RUNX1T1: variants seen among roughly 807,000 people sequenced by gnomAD.
RUNX1T1 encodes the protein protein CBFA2T1.
RUNX1T1 carries 4 observed loss-of-function variants against 62.8 expected under a neutral mutation model. That is an observed-to-expected ratio of 0.06 (90% confidence interval 0.03 to 0.15). The LOEUF (loss-of-function observed/expected upper bound fraction) is 0.15, where lower values mean the gene tolerates loss of function less well. Ranked by LOEUF, RUNX1T1 falls within the 10% of genes least tolerant of loss-of-function variation. RUNX1T1 has a pLI of 1.00. For synonymous variants in RUNX1T1, 291 were observed against 286.0 expected (o/e 1.02, Z -0.18); for missense variants, 508 against 754.3 (o/e 0.67, Z 3.82).
chr8:92,053,006 G>C (rs947861705), intron 1 of RUNX1T1, among the ~76,000 whole-genome samples: 2 of 152,112 alleles, frequency 1.3e-5, no homozygotes, highest in Non-Finnish European at 2.9e-5. Context: ...AATTAGCAAA[G>C]ATTATTCTTT....
intron 1 of RUNX1T1, among the ~76,000 whole-genome samples, chr8:92,024,112 T>TC (rs1471236542): frequency 6.6e-6 from 1 of 152,114 alleles, no homozygotes; most frequent in Non-Finnish European, 1.5e-5. Context: ...ACAATTTGGG[T>TC]CTTCCAAACC....
chr8:91,988,023 G>A (rs1463413783), intron 6 of RUNX1T1, among the ~76,000 whole-genome samples: 3 of 151,998 alleles, frequency 2.0e-5, no homozygotes, highest in Admixed American at 6.6e-5. Flanking sequence ...TATAGTTTGG[G>A]TTTCTAGATA....
intron 1 of RUNX1T1, among the ~76,000 whole-genome samples, chr8:92,056,471 T>C (rs947382273): frequency 1.3e-5 from 2 of 152,142 alleles, no homozygotes; most frequent in Non-Finnish European, 2.9e-5. Context: ...ATAATGTTAA[T>C]AAACCACATA....
At chr8:92,035,121 G>A (rs953807996) in intron 1 of RUNX1T1, among the ~76,000 whole-genome samples, 5 of 151,664 alleles carry the variant, frequency 3.3e-5, no homozygotes, top group Non-Finnish European at 7.4e-5. Flanking sequence ...GTGGTGAAAC[G>A]CCGTCTCTAC....
intron 4 of RUNX1T1, among the ~76,000 whole-genome samples, chr8:92,008,852 T>C (rs1023607934): frequency 2.2e-4 from 33 of 152,212 alleles, no homozygotes; most frequent in African/African-American, 7.2e-4. Context: ...AAAGAGACTA[T>C]AGAAATTGGG....
intron 10 of RUNX1T1, 89 bp from the exon 12 acceptor site, chr8:91,960,606 CT>C: frequency 7.2e-7 from 1 of 1,382,518 alleles, no homozygotes; most frequent in Non-Finnish European, 1.0e-6. Context: ...TCACTGTAGC[CT>C]TATTTTCAAG....
At chr8:91,995,612 A>T (rs1039443182) in intron 5 of RUNX1T1, among the ~76,000 whole-genome samples, 2 of 152,098 alleles carry the variant, frequency 1.3e-5, no homozygotes, top group African/African-American at 4.8e-5. Context: ...ACACAGTGAG[A>T]CCCTGTCTCT....
intron 10 of RUNX1T1, among the ~76,000 whole-genome samples, chr8:91,966,922 AAAACAAAC>A (rs531729966): frequency 3.9e-5 from 6 of 152,118 alleles, no homozygotes; most frequent in African/African-American, 1.4e-4. Flanking sequence ...CAATTAGGAA[AAAACAAAC>A]AAACAAACAA....
At chr8:92,022,120 AT>A (rs1282227686) in intron 1 of RUNX1T1, among the ~76,000 whole-genome samples, 3 of 151,498 alleles carry the variant, frequency 2.0e-5, no homozygotes, top group East Asian at 3.9e-4. Flanking sequence ...TGATGGCGAT[AT>A]TTTTTAAAAT....
chr8:92,056,480 T>A (rs1199840109), intron 1 of RUNX1T1, among the ~76,000 whole-genome samples: 1 of 152,246 alleles, frequency 6.6e-6, no homozygotes, highest in Admixed American at 6.5e-5. Flanking sequence ...ATAAACCACA[T>A]AAAATTAAAA....
At chr8:92,057,128 T>G (rs766319041) in intron 1 of RUNX1T1, among the ~76,000 whole-genome samples, 1 of 152,200 alleles carries the variant, frequency 6.6e-6, no homozygotes, top group Non-Finnish European at 1.5e-5. Flanking sequence ...TGCTAACCTG[T>G]TTTATCCAAG....
At chr8:91,978,271 C>G (rs192530177) in intron 8 of RUNX1T1, among the ~76,000 whole-genome samples, 14 of 152,198 alleles carry the variant, frequency 9.2e-5, no homozygotes, top group Admixed American at 7.9e-4. Flanking sequence ...TTAGTTTGTC[C>G]ATGTCTCAGA....
At chr8:92,039,850 G>A (rs1482705237) in intron 1 of RUNX1T1, among the ~76,000 whole-genome samples, 2 of 152,076 alleles carry the variant, frequency 1.3e-5, no homozygotes, top group African/African-American at 4.8e-5. Context: ...TCTAGAGCCT[G>A]TACCTTCCTC....
intron 1 of RUNX1T1, among the ~76,000 whole-genome samples, chr8:92,039,989 C>A (rs1221983637): frequency 6.6e-6 from 1 of 152,148 alleles, no homozygotes; most frequent in African/African-American, 2.4e-5. Context: ...ACGTTCAAAC[C>A]CAGCAATGTG....
intron 8 of RUNX1T1, among the ~76,000 whole-genome samples, chr8:91,982,322 A>G (rs906288959): frequency 6.6e-6 from 1 of 152,084 alleles, no homozygotes; most frequent in Non-Finnish European, 1.5e-5. Context: ...AAGACAAACT[A>G]CAGAAAGATT....
intron 1 of RUNX1T1, among the ~76,000 whole-genome samples, chr8:92,094,854 A>G (rs2130930981): frequency 6.6e-6 from 1 of 152,344 alleles, no homozygotes; most frequent in Non-Finnish European, 1.5e-5. Flanking sequence ...TCACCTTAAA[A>G]TAAAAATGAA....
At chr8:91,998,651 T>A (rs888517977) in intron 5 of RUNX1T1, among the ~76,000 whole-genome samples, 1 of 152,222 alleles carries the variant, frequency 6.6e-6, no homozygotes, top group African/African-American at 2.4e-5. Context: ...AAGCTGACCA[T>A]CTGCTCAACA....
intron 1 of RUNX1T1, among the ~76,000 whole-genome samples, chr8:92,081,032 T>A (rs1835171642): frequency 6.6e-6 from 1 of 152,198 alleles, no homozygotes; most frequent in Admixed American, 6.5e-5. Flanking sequence ...GACTGTGGCC[T>A]ACACACGCGG....
chr8:92,085,505 A>G (rs1191655980), intron 1 of RUNX1T1, among the ~76,000 whole-genome samples: 1 of 152,160 alleles, frequency 6.6e-6, no homozygotes, highest in Non-Finnish European at 1.5e-5. Flanking sequence ...ACACACATAA[A>G]TGTTTCATTC....
Sources: gnomAD v4.1 joint callset for allele counts (sites outside exome capture counted in the v4.1 genomes callset) on GRCh38, gnomAD v4.1.1 for gene constraint, MANE v1.5 for transcripts, NCBI Gene and HGNC (gene_info 2026-07-23, HGNC 2026-07-21) for gene names.